Variants in C8orf34 observed in about 807,000 individuals in gnomAD.
C8orf34 encodes the protein uncharacterized protein C8orf34.
Under a neutral mutation model 68.3 loss-of-function variants are expected in C8orf34, and 65 were observed. The ratio of observed to expected loss-of-function variants is 0.95; its 90% CI spans 0.78 to 1.17. The LOEUF is 1.17. Ranked by LOEUF, C8orf34 falls within the 50% of genes most tolerant of loss-of-function variation. C8orf34 has a pLI of 0.00. For missense variants in C8orf34, 664 were observed against 655.4 expected (o/e 1.01, Z -0.14); for synonymous variants, 244 against 241.2 (o/e 1.01, Z -0.11).
chr8:68,644,648 AGGCC>A (rs1365021234), intron 8 of C8orf34, among the ~76,000 whole-genome samples: 1 of 152,206 alleles, frequency 6.6e-6, no homozygotes, highest in East Asian at 1.9e-4. Flanking sequence ...GAGGCTGGCC[AGGCC>A]AGTGGGAGAA....
At chr8:68,520,745 G>A (rs1033386002) in intron 5 of C8orf34, among the ~76,000 whole-genome samples, 2 of 152,036 alleles carry the variant, frequency 1.3e-5, no homozygotes, top group East Asian at 1.9e-4. Flanking sequence ...TTACAGGCGT[G>A]AGCCACCGCG....
At chr8:68,479,699 A>G (rs1812778082) in intron 4 of C8orf34, among the ~76,000 whole-genome samples, 1 of 152,186 alleles carries the variant, frequency 6.6e-6, no homozygotes, top group Non-Finnish European at 1.5e-5. Context: ...TTCAAATCTT[A>G]TAGTTTTCAA....
chr8:68,502,756 G>T (rs1813835703), intron 5 of C8orf34, among the ~76,000 whole-genome samples: 1 of 152,150 alleles, frequency 6.6e-6, no homozygotes, highest in Non-Finnish European at 1.5e-5. Flanking sequence ...ATTACCATTT[G>T]GCAATGGTAG....
At chr8:68,497,858 C>T (rs1356366062) in intron 5 of C8orf34, among the ~76,000 whole-genome samples, 4 of 152,014 alleles carry the variant, frequency 2.6e-5, no homozygotes, top group East Asian at 1.9e-4. Context: ...AATGGAGTTT[C>T]GCTCTTGTTG....
At chr8:68,343,523 CAA>C (rs1806157282) in intron 1 of C8orf34, among the ~76,000 whole-genome samples, 2 of 151,770 alleles carry the variant, frequency 1.3e-5, no homozygotes, top group East Asian at 3.9e-4. Flanking sequence ...TCCCTGGACT[CAA>C]GAGATCCTCC....
chr8:68,535,979 A>T (rs1439908158), intron 7 of C8orf34, among the ~76,000 whole-genome samples: 1 of 152,178 alleles, frequency 6.6e-6, no homozygotes, highest in African/African-American at 2.4e-5. Flanking sequence ...TCGTTCTGGC[A>T]ATTAATGACC....
intron 1 of C8orf34, among the ~76,000 whole-genome samples, chr8:68,411,109 T>C (rs190347972): frequency 6.6e-6 from 1 of 152,216 alleles, no homozygotes. Context: ...TTTCATTCTT[T>C]AAGTAATACA....
chr8:68,641,510 C>CT (rs1819010912), intron 8 of C8orf34, among the ~76,000 whole-genome samples: 1 of 152,082 alleles, frequency 6.6e-6, no homozygotes, highest in Non-Finnish European at 1.5e-5. Context: ...GGTGGATTGA[C>CT]TTTTTTTAGT....
chr8:68,730,788 A>T (rs1457826673), intron 10 of C8orf34, among the ~76,000 whole-genome samples: 1 of 152,110 alleles, frequency 6.6e-6, no homozygotes, highest in African/African-American at 2.4e-5. Context: ...GGCCTAATAT[A>T]CATTGATGCA....
chr8:68,372,600 G>A (rs913401861), intron 1 of C8orf34, among the ~76,000 whole-genome samples: 1 of 152,154 alleles, frequency 6.6e-6, no homozygotes, highest in Non-Finnish European at 1.5e-5. Context: ...CTCCCTAGGA[G>A]CATAACTTAC....
chr8:68,782,648 T>C (rs2129528823), intron 11 of C8orf34, among the ~76,000 whole-genome samples: 1 of 152,296 alleles, frequency 6.6e-6, no homozygotes, highest in East Asian at 1.9e-4. Context: ...GGGCAGTGAG[T>C]TTCTGCTGTG....
At chr8:68,570,555 T>A (rs975138926) in intron 7 of C8orf34, among the ~76,000 whole-genome samples, 15 of 152,320 alleles carry the variant, frequency 9.8e-5, no homozygotes, top group South Asian at 6.2e-4. Context: ...CCTATCTAAT[T>A]TCTACAAACT....
At chr8:68,457,426 A>G (rs1811599808) in intron 3 of C8orf34, among the ~76,000 whole-genome samples, 1 of 152,214 alleles carries the variant, frequency 6.6e-6, no homozygotes, top group African/African-American at 2.4e-5. Context: ...AAAGTAGAGT[A>G]CTTGGGGAGA....
At chr8:68,471,925 AACACACACACACACACACACAC>A (rs10596354) in intron 4 of C8orf34, among the ~76,000 whole-genome samples, 1 of 147,372 alleles carries the variant, frequency 6.8e-6, no homozygotes, top group Non-Finnish European at 1.5e-5. Flanking sequence ...GACTTAAATG[AACACACACACACACACACACAC>A]ACACACACAC....
At chr8:68,628,084 C>T (rs1473904596) in intron 7 of C8orf34, among the ~76,000 whole-genome samples, 7 of 152,108 alleles carry the variant, frequency 4.6e-5, no homozygotes, top group Non-Finnish European at 7.4e-5. Flanking sequence ...CTGTAACCTA[C>T]TTACTCTTAT....
At chr8:68,425,009 A>G (rs1810147795) in intron 1 of C8orf34, among the ~76,000 whole-genome samples, 1 of 152,216 alleles carries the variant, frequency 6.6e-6, no homozygotes, top group South Asian at 2.1e-4. Context: ...AATTCAACAT[A>G]TCAATAGGCT....
chr8:68,816,916 T>C (rs896523514), intron 13 of C8orf34, among the ~76,000 whole-genome samples: 1 of 152,272 alleles, frequency 6.6e-6, no homozygotes, highest in South Asian at 2.1e-4. Context: ...GAATCCATTA[T>C]GAAGGATGAG....
intron 8 of C8orf34, among the ~76,000 whole-genome samples, chr8:68,657,370 T>C (rs1471517182): frequency 6.6e-6 from 1 of 152,126 alleles, no homozygotes; most frequent in Non-Finnish European, 1.5e-5. Context: ...AGTGTCCTTA[T>C]AAAAGAGGCC....
chr8:68,636,411 T>TAA (rs71253099), intron 7 of C8orf34, among the ~76,000 whole-genome samples: 51 of 141,902 alleles, frequency 3.6e-4, no homozygotes, highest in Admixed American at 1.1e-3. Context: ...CTGCCTCTAC[T>TAA]AAAAAAAAAA....
Sources: allele counts gnomAD v4.1 joint callset (sites outside exome capture counted in the v4.1 genomes callset), GRCh38; gene constraint gnomAD v4.1.1; transcripts MANE v1.5; gene names NCBI Gene and HGNC (gene_info 2026-07-23, HGNC 2026-07-21).